The following PTPRO variants were observed in gnomAD, a reference collection of about 807,000 sequenced individuals.
PTPRO encodes the protein protein tyrosine phosphatase receptor type O.
In PTPRO, 62 loss-of-function variants were observed where a neutral mutation model predicts 145.2. The ratio of observed to expected loss-of-function variants is 0.43; its 90% confidence interval spans 0.35 to 0.53. PTPRO has a LOEUF of 0.53. Among genes scored for constraint, PTPRO ranks in the 20% least tolerant of loss-of-function variants. The pLI, the probability that PTPRO is intolerant of heterozygous loss-of-function variation, is 0.01. For synonymous variants in PTPRO, 565 were observed against 514.7 expected (o/e 1.10, Z -1.32); for missense variants, 1,345 against 1,482.7 (o/e 0.91, Z 1.53).
chr12:15,381,619 T>C (rs2136274900), intron 1 of PTPRO, among the ~76,000 whole-genome samples: 1 of 152,302 alleles, frequency 6.6e-6, no homozygotes, highest in Non-Finnish European at 1.5e-5. Flanking sequence ...GCAGCAGCTT[T>C]ATGGTGGAAA....
At chr12:15,350,745 G>A (rs1437318384) in intron 1 of PTPRO, among the ~76,000 whole-genome samples, 1 of 152,224 alleles carries the variant, frequency 6.6e-6, no homozygotes, top group African/African-American at 2.4e-5. Flanking sequence ...TGCACAAGAA[G>A]AGATTTTCAC....
intron 1 of PTPRO, among the ~76,000 whole-genome samples, chr12:15,359,653 G>A (rs1006293193): frequency 6.6e-6 from 1 of 151,872 alleles, no homozygotes; most frequent in African/African-American, 2.4e-5. Context: ...AAACTCTTGT[G>A]TGCGGATCAA....
At chr12:15,562,135 T>C (rs1282568791) in intron 17 of PTPRO, among the ~76,000 whole-genome samples, 1 of 152,122 alleles carries the variant, frequency 6.6e-6, no homozygotes, top group Non-Finnish European at 1.5e-5. Context: ...ATTTCACACA[T>C]ATCAACTAGT....
intron 1 of PTPRO, among the ~76,000 whole-genome samples, chr12:15,464,712 T>C (rs1941379684): frequency 6.6e-6 from 1 of 152,020 alleles, no homozygotes; most frequent in Non-Finnish European, 1.5e-5. Flanking sequence ...AATAGAGATA[T>C]TTTGTTTGTT....
At position 15,374,084 on chromosome 12, in the gene PTPRO, C is replaced by T. The variant is rs552254980; in HGVS notation, c.75+51283C>T. On this transcript the variant is annotated intron_variant, in intron 1 of 26. Coordinates refer to ENST00000281171, the MANE Select transcript of PTPRO (RefSeq NM_030667.3). The stretch of plus-strand genomic sequence containing the variant: ...GATTAGTACAGACATTTGCTAACAA[C>T]GGCTTTGAAAATGTTTAAACATAAC... 4.6e-5 allele frequency among the ~76,000 whole-genome samples: 7 copies of T among 152,252 alleles called. 1 individual carries two copies. In the South Asian group the frequency reaches 6.2e-4, roughly 14 times the overall value.
chr12:15,573,806 T>C (rs997358574), intron 19 of PTPRO, among the ~76,000 whole-genome samples: 2 of 152,202 alleles, frequency 1.3e-5, no homozygotes, highest in Non-Finnish European at 1.5e-5. Context: ...TCAATTTTCA[T>C]AGAAGTAGTG....
At chr12:15,588,944 T>A (rs1334657436) in intron 24 of PTPRO, among the ~76,000 whole-genome samples, 1 of 152,164 alleles carries the variant, frequency 6.6e-6, no homozygotes, top group Non-Finnish European at 1.5e-5. Flanking sequence ...AATGTGACAT[T>A]AGAAGGAACA....
At chr12:15,324,760 G>A (rs1591702096) in intron 1 of PTPRO, among the ~76,000 whole-genome samples, 2 of 152,120 alleles carry the variant, frequency 1.3e-5, no homozygotes, top group Admixed American at 1.3e-4. Context: ...GGTTTTTTAG[G>A]CATTTTACAT....
intron 12 of PTPRO, among the ~76,000 whole-genome samples, chr12:15,542,336 T>A (rs1254891221): frequency 6.6e-6 from 1 of 152,182 alleles, no homozygotes; most frequent in Non-Finnish European, 1.5e-5. Flanking sequence ...ATCAAAAAAA[T>A]TTCACTAAAA....
At position 15,549,099 on chromosome 12, in the gene PTPRO, A is replaced by G. The variant is rs772975895; in HGVS notation, c.2310A>G (p.Pro770=). Residue 770 remains proline (P), a synonymous_variant, in exon 14 of 27, where the codon CCA becomes CCG. Coordinates refer to ENST00000281171, the MANE Select transcript of PTPRO (RefSeq NM_030667.3). The part of the protein sequence containing the change: ...GSSQKTKLQE[P]VAVSSHVVTI... Reference sequence around the variant, plus strand: ...CTTATTTTCTGAAACCCCAGGAACCAGTTGCTGTTTCTTCCCATGTCGTGA... The same window carrying G: ...CTTATTTTCTGAAACCCCAGGAACCGGTTGCTGTTTCTTCCCATGTCGTGA... 3.7e-6 allele frequency: 6 copies of G among 1,613,542 alleles called. No individual in the cohort carries two copies. The highest frequency in any genetic ancestry group is 2.2e-5 in the East Asian group (1 of 44,856).
In PTPRO at chr12:15,549,117, T is replaced by C; in HGVS notation, c.2328T>C (p.His776=). 6.2e-7 allele frequency: 1 copy of C among 1,613,674 alleles called. No individual in the cohort carries two copies. Residue 776 remains histidine, a synonymous_variant, in exon 14 of 27, where the codon CAT becomes CAC. Coordinates refer to ENST00000281171, the MANE Select transcript of PTPRO (RefSeq NM_030667.3). The part of the protein sequence containing the change: ...KLQEPVAVSS[H]VVTISSLLPA... The stretch of plus-strand genomic sequence containing the variant: ...AGGAACCAGTTGCTGTTTCTTCCCA[T>C]GTCGTGACCATCTCCAGCCTTCTTC...
At chr12:15,549,956 T>C (rs905244325) in intron 14 of PTPRO, among the ~76,000 whole-genome samples, 2 of 152,204 alleles carry the variant, frequency 1.3e-5, no homozygotes, top group Non-Finnish European at 2.9e-5. Context: ...TTTTGTTTTT[T>C]CAGAAGAGAG....
intron 1 of PTPRO, chr12:15,439,954 C>T: frequency 1.5e-6 from 1 of 685,214 alleles, no homozygotes; most frequent in Non-Finnish European, 2.7e-6. Flanking sequence ...TTAAGTGCTC[C>T]AAGGAGGTGG....
At position 15,347,641 on chromosome 12, in the gene PTPRO, G is replaced by A. The variant is rs191238694; in HGVS notation, c.75+24840G>A. Among the ~76,000 whole-genome samples the A allele has an allele frequency of 4.1e-3, 627 of 152,288 alleles. 2 individuals carry two copies. The highest frequency in any genetic ancestry group is 6.6e-3 in the Non-Finnish European group (450 of 68,020). ...TCAGATAGTTTTAGAATGAATGTAT[G>A]AGCTTGTATTTGTATACAAAAGATA... On this transcript the variant is annotated intron_variant, in intron 1 of 26. Coordinates refer to ENST00000281171, the MANE Select transcript of PTPRO (RefSeq NM_030667.3).
chr12:15,568,303 G>C (rs529160383), intron 18 of PTPRO, among the ~76,000 whole-genome samples: 1 of 152,088 alleles, frequency 6.6e-6, no homozygotes, highest in Admixed American at 6.5e-5. Flanking sequence ...GGTGGCACCT[G>C]CCTGTAGTCC....
intron 1 of PTPRO, among the ~76,000 whole-genome samples, chr12:15,426,910 A>G (rs1466129338): frequency 3.3e-5 from 5 of 152,030 alleles, no homozygotes. Context: ...TATTATTATC[A>G]TTATTAATTA....
chr12:15,474,398 C>G (rs1941609499), intron 1 of PTPRO, among the ~76,000 whole-genome samples: 1 of 152,176 alleles, frequency 6.6e-6, no homozygotes, highest in African/African-American at 2.4e-5. Flanking sequence ...CCCCTTCTTG[C>G]TGAAGCCAAG....
intron 1 of PTPRO, among the ~76,000 whole-genome samples, chr12:15,384,471 G>C (rs1438368416): frequency 6.6e-6 from 1 of 152,158 alleles, no homozygotes; most frequent in Non-Finnish European, 1.5e-5. Flanking sequence ...TTGCTAGCCA[G>C]AGCTCTCATC....
chr12:15,403,390 C>T (rs758767401), intron 1 of PTPRO, among the ~76,000 whole-genome samples: 1 of 152,094 alleles, frequency 6.6e-6, no homozygotes, highest in African/African-American at 2.4e-5. Flanking sequence ...CGAGACCAGC[C>T]TGGCCAACAT....
Sources: allele counts gnomAD v4.1 joint callset (sites outside exome capture counted in the v4.1 genomes callset), GRCh38; gene constraint gnomAD v4.1.1; transcripts MANE v1.5; gene names NCBI Gene and HGNC (gene_info 2026-07-23, HGNC 2026-07-21).